RBBP4: variants seen among roughly 807,000 people sequenced by gnomAD.
The protein encoded by RBBP4 is RB binding protein 4, chromatin remodeling factor.
Under a neutral mutation model 57.2 loss-of-function variants are expected in RBBP4, and 3 were observed. The observed-to-expected ratio is 0.05, with a 90% CI of 0.02 to 0.14. The LOEUF (loss-of-function observed/expected upper bound fraction) is 0.14, where lower values mean the gene tolerates loss of function less well. Among genes scored for constraint, RBBP4 ranks in the 10% least tolerant of loss-of-function variants. RBBP4 has a pLI of 1.00. For missense variants in RBBP4, 107 were observed against 520.6 expected (o/e 0.21, Z 7.73); for synonymous variants, 151 against 171.5 (o/e 0.88, Z 0.93).
intron 3 of RBBP4, among the ~76,000 whole-genome samples, chr1:32,665,458 A>G (rs1171713539): frequency 6.6e-6 from 1 of 152,148 alleles, no homozygotes; most frequent in African/African-American, 2.4e-5. Flanking sequence ...CGGGTAGATT[A>G]TCTGATGTCA....
intron 3 of RBBP4, among the ~76,000 whole-genome samples, chr1:32,661,866 C>G (rs61798954): frequency 9.1e-5 from 9 of 99,106 alleles, no homozygotes; most frequent in Admixed American, 4.8e-4. Flanking sequence ...ATGTCCTTTG[C>G]CCACTTTTTT....
rs752838317 is a variant in RBBP4 at position 32,671,306 on chromosome 1, C to T, written c.967-1144C>T. ...AAATAAGAATAGACAAGATGTAGGC[C>T]GGGCACGATGGCCCATGCCTGTAAT... On this transcript the variant is annotated intron_variant, in intron 8 of 11. Coordinates refer to ENST00000373493, the MANE Select transcript of RBBP4 (RefSeq NM_005610.3). 2.6e-5 allele frequency among the ~76,000 whole-genome samples: 4 copies of T among 152,134 alleles called. 1 individual carries two copies. Among genetic ancestry groups the T allele is most frequent in the East Asian group, 1.9e-4 (1 of 5,192 alleles).
chr1:32,684,551 G>A lies in RBBP4; in HGVS notation c.*4846G>A. On this transcript the variant is annotated 3_prime_UTR_variant, in exon 12 of 12. Transcript: ENST00000373493. ...ACAGGTTCAAAGAAGTTGTGTCTTG[G>A]AAAAAAAGTGACAATGCTTTTGAAA... 2 of 943,910 alleles carry A rather than the reference G, an allele frequency of 2.1e-6. No homozygotes were observed. The highest frequency in any genetic ancestry group is 3.1e-6 in the Non-Finnish European group (2 of 655,472). 58.5% of individuals were successfully genotyped at this position (943,910 alleles called of 1,614,324 possible).
intron 3 of RBBP4, among the ~76,000 whole-genome samples, chr1:32,665,988 T>G (rs1648628926): frequency 6.6e-6 from 1 of 152,230 alleles, no homozygotes; most frequent in South Asian, 2.1e-4. Flanking sequence ...TTATATATAC[T>G]ATAATGGTAC....
intron 3 of RBBP4, among the ~76,000 whole-genome samples, chr1:32,657,826 A>G (rs1382136556): frequency 1.3e-5 from 2 of 151,938 alleles, no homozygotes; most frequent in Non-Finnish European, 2.9e-5. Flanking sequence ...AATTGAAAGA[A>G]GCAAAAATAT....
At chr1:32,665,127 T>C (rs1311134884) in intron 3 of RBBP4, among the ~76,000 whole-genome samples, 1 of 152,182 alleles carries the variant, frequency 6.6e-6, no homozygotes, top group Non-Finnish European at 1.5e-5. Flanking sequence ...TGCCTGTACT[T>C]AGACTGAAGT....
intron 2 of RBBP4, among the ~76,000 whole-genome samples, chr1:32,654,922 T>A (rs1557850481): frequency 6.6e-6 from 1 of 152,194 alleles, no homozygotes. Context: ...CTTGAACTCC[T>A]GACCTCAGGT....
At chr1:32,668,633 T>A (rs1330202238) in intron 4 of RBBP4, 106 bp from the exon 5 acceptor site, 1 of 928,558 alleles carries the variant, frequency 1.1e-6, no homozygotes, top group Non-Finnish European at 1.7e-6. Context: ...CCTATATCAT[T>A]TATAAATGTT....
intron 2 of RBBP4, among the ~76,000 whole-genome samples, chr1:32,655,112 T>C (rs1015053810): frequency 2.0e-5 from 3 of 152,054 alleles, no homozygotes; most frequent in African/African-American, 7.2e-5. Flanking sequence ...CCTCAGCCTC[T>C]GGAATAGTTG....
intron 11 of RBBP4, among the ~76,000 whole-genome samples, chr1:32,678,298 C>T (rs998851468): frequency 1.3e-5 from 2 of 151,700 alleles, no homozygotes; most frequent in Non-Finnish European, 2.9e-5. Context: ...GTGATCTTGG[C>T]TCACTGCAAC....
At chr1:32,657,740 AAT>A (rs1448699102) in intron 3 of RBBP4, 168 bp downstream of exon 3, 1 of 701,196 alleles carries the variant, frequency 1.4e-6, no homozygotes, top group Admixed American at 3.6e-5. Context: ...TATCAGAAGA[AAT>A]ACTTAACACA....
chr1:32,661,829 T>C (rs1237924779), intron 3 of RBBP4, among the ~76,000 whole-genome samples: 1 of 150,840 alleles, frequency 6.6e-6, no homozygotes. Context: ...GTTGTCTGCT[T>C]ATATGTGTTT....
intron 3 of RBBP4, among the ~76,000 whole-genome samples, chr1:32,661,671 T>G (rs1648415634): frequency 6.6e-6 from 1 of 151,944 alleles, no homozygotes; most frequent in African/African-American, 2.4e-5. Flanking sequence ...ACCAGCAGTG[T>G]CTAAGTGTTC....
At chr1:32,651,796 A>T in intron 1 of RBBP4, 118 bp from the exon 2 acceptor site, 1 of 1,224,392 alleles carries the variant, frequency 8.2e-7, no homozygotes, top group South Asian at 1.5e-5. Context: ...TGCCGTGGGG[A>T]TTTAGACAAA....
At chr1:32,657,961 T>G (rs1648216802) in intron 3 of RBBP4, among the ~76,000 whole-genome samples, 1 of 152,304 alleles carries the variant, frequency 6.6e-6, no homozygotes, top group Admixed American at 6.5e-5. Context: ...CAAGCGATTC[T>G]TCTGCCTCAT....
chr1:32,652,767 A>T (rs943195834), intron 2 of RBBP4, among the ~76,000 whole-genome samples: 1 of 150,212 alleles, frequency 6.7e-6, no homozygotes, highest in African/African-American at 2.5e-5. Flanking sequence ...CTGGTCTCCA[A>T]CCCCCTGACC....
intron 10 of RBBP4, 33 bp downstream of exon 10, chr1:32,672,732 G>A (rs747197109): frequency 1.2e-6 from 2 of 1,608,582 alleles, no homozygotes; most frequent in South Asian, 2.2e-5. Context: ...TACTGAAATA[G>A]TCTGTAATTT....
At chr1:32,667,227 TC>T (rs1648692332) in intron 3 of RBBP4, among the ~76,000 whole-genome samples, 1 of 152,212 alleles carries the variant, frequency 6.6e-6, no homozygotes, top group South Asian at 2.1e-4. Context: ...TTCATGTTCC[TC>T]CCGTACTCCT....
Position 32,683,794 on chromosome 1 carries a change from G to A in RBBP4, c.*4089G>A, listed in dbSNP as rs866678499. The A allele has an allele frequency of 6.9e-5, 35 of 506,676 alleles. No homozygotes were observed. Among genetic ancestry groups the A allele is most frequent in the African/African-American group, 1.6e-4 (8 of 51,458 alleles). 31.4% of individuals were successfully genotyped at this position (506,676 alleles called of 1,614,324 possible). A position where few individuals can be genotyped will look rare whatever the true frequency, so the allele number is the denominator to read the frequency against. On this transcript the variant is annotated 3_prime_UTR_variant, in exon 12 of 12. Transcript: ENST00000373493. ...ATTATAAGTGCCTGCCACTATGCCCGGCTAATTTTTGTATTTTTAGTGGAG... is the reference window on the plus strand; with the variant it reads ...ATTATAAGTGCCTGCCACTATGCCCAGCTAATTTTTGTATTTTTAGTGGAG...
Sources: allele counts gnomAD v4.1 joint callset (sites outside exome capture counted in the v4.1 genomes callset), GRCh38; gene constraint gnomAD v4.1.1; transcripts MANE v1.5; gene names NCBI Gene and HGNC (gene_info 2026-07-23, HGNC 2026-07-21).